Variants in MYZAP observed in about 807,000 individuals in gnomAD.
MYZAP encodes GRINL1A complex locus upstream.
MYZAP carries 66 observed loss-of-function variants against 69.4 expected under a neutral mutation model. That is an observed-to-expected ratio of 0.95 (90% CI 0.78 to 1.17). The LOEUF (loss-of-function observed/expected upper bound fraction) is 1.17, where lower values mean the gene tolerates loss of function less well. Ranked by LOEUF, MYZAP falls within the 50% of genes most tolerant of loss-of-function variation. The pLI is 0.00. For synonymous variants in MYZAP, 256 were observed against 205.9 expected (o/e 1.24, Z -2.09); for missense variants, 611 against 556.2 (o/e 1.10, Z -0.99).
chr15:57,657,376 A>G (rs751431916), intron 10 of MYZAP, among the ~76,000 whole-genome samples: 3 of 152,168 alleles, frequency 2.0e-5, no homozygotes, highest in South Asian at 2.1e-4. Context: ...TTTGGGAACT[A>G]TTTCTACAAA....
intron 5 of MYZAP, among the ~76,000 whole-genome samples, chr15:57,627,821 T>C (rs2036251667): frequency 6.6e-6 from 1 of 151,986 alleles, no homozygotes; most frequent in Non-Finnish European, 1.5e-5. Context: ...TTTGTGTGGA[T>C]ACACGAGTAG....
At chr15:57,671,321 T>C (rs2038856591) in intron 11 of MYZAP, among the ~76,000 whole-genome samples, 1 of 152,142 alleles carries the variant, frequency 6.6e-6, no homozygotes, top group Non-Finnish European at 1.5e-5. Flanking sequence ...GCTTTCAAGA[T>C]TTTTCTTCAT....
Position 57,629,942 on chromosome 15 carries a change from T to C in MYZAP, c.678+88T>C, listed in dbSNP as rs542800748. 203 of 1,475,046 alleles carry C rather than the reference T, an allele frequency of 1.4e-4. 1 individual carries two copies. The South Asian group carries it at 2.5e-3, about 18-fold the overall frequency. The allele number at this position is 1,475,046 out of a possible 1,614,324, so 91.4% of individuals were successfully genotyped here. On this transcript the variant is annotated intron_variant, in intron 6 of 12. Coordinates refer to ENST00000267853, the MANE Select transcript of MYZAP (RefSeq NM_001018100.5). ...CTCTTCCCATCTTCAACCTTTCCAT[T>C]TCCTTTTCTCCATTCTCTTCTTCAT...
intron 1 of MYZAP, among the ~76,000 whole-genome samples, chr15:57,602,982 C>T (rs1453834835): frequency 6.6e-6 from 1 of 152,150 alleles, no homozygotes; most frequent in Admixed American, 6.5e-5. Context: ...GCCCCTAAGT[C>T]ACCCTTCGTC....
At chr15:57,611,610 T>G (rs1280980891) in intron 2 of MYZAP, among the ~76,000 whole-genome samples, 3 of 152,176 alleles carry the variant, frequency 2.0e-5, no homozygotes, top group Admixed American at 2.0e-4. Flanking sequence ...CTTTGGGACT[T>G]CTGCTTGGCT....
At position 57,667,038 on chromosome 15, in the gene MYZAP, G is replaced by T. The variant is rs968760005; in HGVS notation, c.1203+5505G>T. On this transcript the variant is annotated intron_variant, in intron 11 of 12. Coordinates refer to ENST00000267853, the MANE Select transcript of MYZAP (RefSeq NM_001018100.5). ...AGATTTCGTTACACTTTTCTCTGTC[G>T]GATATACTACACTTACAGCTCAATT... 3.9e-5 allele frequency among the ~76,000 whole-genome samples: 6 copies of T among 151,912 alleles called. 1 individual carries two copies. In the South Asian group the frequency reaches 1.2e-3, roughly 32 times the overall value.
intron 10 of MYZAP, chr15:57,646,398 C>T (rs866508059): frequency 4.5e-6 from 5 of 1,117,192 alleles, no homozygotes; most frequent in Non-Finnish European, 5.5e-6. Context: ...CTGACTTGTA[C>T]AGCCTCAAAC....
chr15:57,646,429 C>T (rs2037451313), intron 10 of MYZAP: 3 of 1,051,738 alleles, frequency 2.9e-6, no homozygotes, highest in East Asian at 8.8e-5. Context: ...AGAGAACTCA[C>T]AGATCCACAG....
rs559981914 is a variant in MYZAP at position 57,604,520 on chromosome 15, C to T, written c.162+165C>T. On this transcript the variant is annotated intron_variant, in intron 2 of 12. Coordinates refer to ENST00000267853, the MANE Select transcript of MYZAP (RefSeq NM_001018100.5). The stretch of plus-strand genomic sequence containing the variant: ...CCTCATCTCCCGTCTTCCCAGAAGA[C>T]AGAGAGCTCTCCCTAGCCGGCTCTG... Among the ~76,000 whole-genome samples the T allele has an allele frequency of 3.3e-5, 5 of 152,316 alleles. No homozygotes were observed. In the South Asian group the frequency reaches 8.3e-4, roughly 25 times the overall value.
chr15:57,646,610 G>T, intron 10 of MYZAP: 1 of 999,816 alleles, frequency 1.0e-6, no homozygotes. Flanking sequence ...AAGAATGTTA[G>T]TGCTCTGGGA....
intron 2 of MYZAP, among the ~76,000 whole-genome samples, chr15:57,613,045 C>T (rs1052370983): frequency 6.6e-6 from 1 of 152,110 alleles, no homozygotes; most frequent in African/African-American, 2.4e-5. Flanking sequence ...CATTCTCCTG[C>T]CTCAGCCTCC....
At chr15:57,668,890 A>G (rs199941090) in intron 11 of MYZAP, among the ~76,000 whole-genome samples, 1 of 111,704 alleles carries the variant, frequency 9.0e-6, no homozygotes, top group Non-Finnish European at 1.7e-5. Context: ...ATATATATAT[A>G]TATATTTTTT....
chr15:57,666,158 C>T (rs1414537227), intron 11 of MYZAP, among the ~76,000 whole-genome samples: 1 of 152,178 alleles, frequency 6.6e-6, no homozygotes, highest in Non-Finnish European at 1.5e-5. Flanking sequence ...TGTGCATGAC[C>T]TTGGGCAAAT....
intron 1 of MYZAP, among the ~76,000 whole-genome samples, chr15:57,597,241 A>G (rs1389777027): frequency 6.6e-6 from 1 of 152,180 alleles, no homozygotes; most frequent in Non-Finnish European, 1.5e-5. Context: ...CCTTTGGTTC[A>G]GTCAGTGGTT....
intron 10 of MYZAP, among the ~76,000 whole-genome samples, chr15:57,645,784 C>A (rs1330781354): frequency 6.6e-6 from 1 of 152,208 alleles, no homozygotes; most frequent in Non-Finnish European, 1.5e-5. Flanking sequence ...CACATTCAAT[C>A]TTTGGGTATA....
chr15:57,629,088 C>CAAAAAA (rs1274144448), intron 5 of MYZAP, among the ~76,000 whole-genome samples: 1,241 of 113,616 alleles, frequency 0.011, 1 homozygote, highest in Non-Finnish European at 0.013. Context: ...GTCTCAAAAA[C>CAAAAAA]AAAAAAAAAA....
chr15:57,637,613 C>T (rs2036889353), intron 8 of MYZAP, 82 bp from the exon 9 acceptor site: 2 of 1,489,946 alleles, frequency 1.3e-6, no homozygotes, highest in Non-Finnish European at 1.8e-6. Context: ...ACTTGGACTC[C>T]CTAGTGCTAG....
intron 5 of MYZAP, 84 bp downstream of exon 5, chr15:57,625,976 G>A (rs1410268169): frequency 2.5e-6 from 3 of 1,187,948 alleles, no homozygotes; most frequent in African/African-American, 1.5e-5. Context: ...ATAAGTCACA[G>A]AACATCCTTA....
chr15:57,643,343 G>T (rs1723402709), intron 10 of MYZAP, among the ~76,000 whole-genome samples: 1 of 152,202 alleles, frequency 6.6e-6, no homozygotes, highest in African/African-American at 2.4e-5. Context: ...TTCCAGGGTA[G>T]TCTTGCCTTT....
Sources: allele counts gnomAD v4.1 joint callset (sites outside exome capture counted in the v4.1 genomes callset), GRCh38; gene constraint gnomAD v4.1.1; transcripts MANE v1.5; gene names NCBI Gene and HGNC (gene_info 2026-07-23, HGNC 2026-07-21).